PCDH15: variants seen among roughly 807,000 people sequenced by gnomAD.
PCDH15 encodes protocadherin related 15, also known as protocadherin-15.
Under a neutral mutation model 178.5 loss-of-function variants are expected in PCDH15, and 129 were observed. That is an observed-to-expected ratio of 0.72 (90% CI 0.63 to 0.84). PCDH15 has a LOEUF of 0.84. PCDH15 is among the 40% of genes least tolerant of loss of function. PCDH15 has a pLI of 0.00. For synonymous variants in PCDH15, 800 were observed against 732.0 expected, an observed-to-expected ratio of 1.09 and a Z score of -1.50; for missense variants, 2,230 against 2,099.9, an observed-to-expected ratio of 1.06 and a Z score of -1.21.
intron 3 of PCDH15, among the ~76,000 whole-genome samples, chr10:54,389,409 T>C (rs1950273866): frequency 6.6e-6 from 1 of 152,196 alleles, no homozygotes; most frequent in Non-Finnish European, 1.5e-5. Context: ...TTGTTAGAAT[T>C]ATAACTTATG....
At chr10:55,520,069 G>A (rs1359581426) in intron 2 of PCDH15, among the ~76,000 whole-genome samples, 1 of 133,570 alleles carries the variant, frequency 7.5e-6, no homozygotes, top group African/African-American at 2.8e-5. Context: ...CATATATATG[G>A]CATATATATA....
rs1169292088 is a variant in PCDH15, at chr10:54,198,667, A to T, written c.1099-2778T>A. Among the ~76,000 whole-genome samples, 55 of 120,870 alleles carry T rather than the reference A, an allele frequency of 4.6e-4. 5 individuals carry two copies. The highest frequency in any genetic ancestry group is 7.2e-4 in the Non-Finnish European group (45 of 62,542). 79.3% of individuals were successfully genotyped at this position (120,870 alleles called of 152,430 possible). A position where few individuals can be genotyped will look rare whatever the true frequency, so the allele number is the denominator to read the frequency against. On this transcript the variant is annotated intron_variant, in intron 10 of 37. Coordinates refer to ENST00000644397, the MANE Select transcript of PCDH15 (RefSeq NM_001384140.1). ...CAGGCGCCCGCCACTACGCCCGGCT[A>T]ATTTTTTGTATTTTTAGTAGAGACG...
intron 18 of PCDH15, among the ~76,000 whole-genome samples, chr10:54,030,600 T>TTCTAGTCCCTAGAAA (rs1010626300): frequency 6.6e-6 from 1 of 152,078 alleles, no homozygotes; most frequent in Non-Finnish European, 1.5e-5. Flanking sequence ...TAGCTTTTCA[T>TTCTAGTCCCTAGAAA]TCTAGTCCCT....
intron 2 of PCDH15, among the ~76,000 whole-genome samples, chr10:55,465,988 C>T (rs1287657562): frequency 6.6e-6 from 1 of 152,140 alleles, no homozygotes; most frequent in Non-Finnish European, 1.5e-5. Flanking sequence ...GAATGAACTT[C>T]ATTGTATACA....
chr10:53,813,652 A>C (rs2075957822), intron 35 of PCDH15, among the ~76,000 whole-genome samples: 1 of 152,240 alleles, frequency 6.6e-6, no homozygotes, highest in Non-Finnish European at 1.5e-5. Flanking sequence ...AAAACACATT[A>C]TTCGTAACAG....
chr10:55,369,360 A>G (rs1845441886), intron 2 of PCDH15, among the ~76,000 whole-genome samples: 2 of 151,988 alleles, frequency 1.3e-5, no homozygotes, highest in Non-Finnish European at 2.9e-5. Flanking sequence ...AGGTCTCTGA[A>G]TATATGAGCC....
chr10:55,114,596 A>C (rs1837585805), intron 2 of PCDH15, among the ~76,000 whole-genome samples: 1 of 152,208 alleles, frequency 6.6e-6, no homozygotes, highest in African/African-American at 2.4e-5. Flanking sequence ...TGTGGTATGA[A>C]AGAAAGTAAC....
At chr10:54,746,715 G>A (rs1945512303) in intron 1 of PCDH15, among the ~76,000 whole-genome samples, 1 of 152,076 alleles carries the variant, frequency 6.6e-6, no homozygotes, top group Non-Finnish European at 1.5e-5. Flanking sequence ...TTGTGTCAGG[G>A]TTCCCCAGGA....
chr10:54,827,939 C>T (rs1051240610), intron 3 of PCDH15, among the ~76,000 whole-genome samples: 4 of 151,958 alleles, frequency 2.6e-5, no homozygotes, highest in Non-Finnish European at 4.4e-5. Flanking sequence ...ACATTATATA[C>T]CAACATATAT....
intron 1 of PCDH15, among the ~76,000 whole-genome samples, chr10:54,752,327 A>T (rs963628445): frequency 4.0e-5 from 6 of 151,736 alleles, no homozygotes; most frequent in African/African-American, 7.3e-5. Context: ...ATTACAAAAA[A>T]TTAGCCGGGC....
chr10:54,190,793 A>G (rs2384396), intron 11 of PCDH15, among the ~76,000 whole-genome samples: 67,322 of 152,088 alleles, frequency 0.44, 17,914 homozygotes, highest in East Asian at 0.94. Context: ...GATCTTTTGA[A>G]AATCCCAGAA....
At chr10:55,403,450 C>T (rs538191647) in intron 2 of PCDH15, among the ~76,000 whole-genome samples, 125 of 151,892 alleles carry the variant, frequency 8.2e-4, no homozygotes, top group African/African-American at 2.2e-3. Context: ...TCTTTGCACA[C>T]ACCAATCTCT....
At chr10:54,543,989 A>G (rs2085553246) in intron 2 of PCDH15, among the ~76,000 whole-genome samples, 1 of 152,172 alleles carries the variant, frequency 6.6e-6, no homozygotes, top group Non-Finnish European at 1.5e-5. Context: ...ACCCGTGTGT[A>G]TGCTCCAAAT....
At chr10:54,934,623 T>C (rs1837859021) in intron 2 of PCDH15, among the ~76,000 whole-genome samples, 2 of 151,194 alleles carry the variant, frequency 1.3e-5, no homozygotes, top group Admixed American at 1.3e-4. Context: ...ACTTTTACAC[T>C]GTTGGTGGGA....
chr10:54,605,313 T>C (rs1262041663), intron 2 of PCDH15, among the ~76,000 whole-genome samples: 2 of 152,088 alleles, frequency 1.3e-5, no homozygotes, highest in African/African-American at 4.8e-5. Context: ...TTAGCATTTT[T>C]TATATGACAA....
At chr10:55,425,393 C>T (rs1236218994) in intron 2 of PCDH15, among the ~76,000 whole-genome samples, 1 of 151,638 alleles carries the variant, frequency 6.6e-6, no homozygotes, top group Non-Finnish European at 1.5e-5. Flanking sequence ...AATAATGATG[C>T]TAGAAAAAAA....
chr10:55,222,730 C>CACATATATATATATATATATATATAT, intron 1 of PCDH15, among the ~76,000 whole-genome samples: 1 of 121,280 alleles, frequency 8.2e-6, no homozygotes, highest in South Asian at 2.6e-4. Context: ...CACACACACA[C>CACATATATATATATATATATATATAT]ATATATATAT....
At chr10:55,399,127 G>A (rs111297481) in intron 2 of PCDH15, among the ~76,000 whole-genome samples, 1,574 of 152,086 alleles carry the variant, frequency 0.01, 27 homozygotes, top group African/African-American at 0.035. Flanking sequence ...AAAAGGCTTG[G>A]TTTGTTCAAA....
At chr10:54,654,471 T>C (rs2094332664) in intron 2 of PCDH15, among the ~76,000 whole-genome samples, 1 of 152,188 alleles carries the variant, frequency 6.6e-6, no homozygotes. Flanking sequence ...TGCTGTTTGC[T>C]GAAATGCTAC....
Sources: allele counts gnomAD v4.1 joint callset (sites outside exome capture counted in the v4.1 genomes callset), GRCh38; gene constraint gnomAD v4.1.1; transcripts MANE v1.5; gene names NCBI Gene and HGNC (gene_info 2026-07-23, HGNC 2026-07-21).